The following MED12 variants were observed in gnomAD, a reference collection of about 807,000 sequenced individuals.
The protein encoded by MED12 is mediator complex subunit 12, also known as mediator of RNA polymerase II transcription subunit 12.
A neutral mutation model predicts 177.7 loss-of-function variants in MED12; 10 were observed. The observed-to-expected ratio is 0.06, with a 90% CI of 0.03 to 0.10. The LOEUF is 0.10. MED12 is among the 10% of genes least tolerant of loss of function. The pLI, the probability that MED12 is intolerant of heterozygous loss-of-function variation, is 1.00. For synonymous variants in MED12, 641 were observed against 678.4 expected, an observed-to-expected ratio of 0.94 and a Z score of 0.86; for missense variants, 867 against 1,780.8, an observed-to-expected ratio of 0.49 and a Z score of 9.23.
At chrX:71,135,611 A>G (rs2092330197) in intron 36 of MED12, among the ~76,000 whole-genome samples, 1 of 111,284 alleles carries the variant, frequency 9.0e-6, no homozygotes, top group East Asian at 2.8e-4. Context: ...ACACCCACCC[A>G]TCTCTGCACA....
At chrX:71,132,050 T>A in intron 29 of MED12, 23 bp from the exon 30 acceptor site, 5 of 1,204,640 alleles carry the variant, frequency 4.2e-6, no homozygotes, top group Non-Finnish European at 4.5e-6. Flanking sequence ...TTTTAGCACT[T>A]CTGTGCCTTT....
chrX:71,128,171 G>C, intron 22 of MED12, 51 bp downstream of exon 22: 1 of 1,180,307 alleles, frequency 8.5e-7, no homozygotes, highest in South Asian at 1.8e-5. Context: ...TCTGAGATAG[G>C]GAGGGCTGAG....
At position 71,121,319 on chromosome X, in the gene MED12, A is replaced by C. The variant is rs62609586; in HGVS notation, c.736-8A>C. The C allele has an allele frequency of 0.28, 339,695 of 1,204,692 alleles. 36,280 individuals are homozygous for C. Among genetic ancestry groups the C allele is most frequent in the Middle Eastern group, 0.41 (1,785 of 4,338 alleles). Reference sequence around the variant, plus strand: ...ATAGTCCCCTCTTCCCTCCCCTGGTACCCATAGGATGGAATGCTGGACAGA... The same window carrying C: ...ATAGTCCCCTCTTCCCTCCCCTGGTCCCCATAGGATGGAATGCTGGACAGA... On this transcript the variant is annotated splice_polypyrimidine_tract_variant and splice_region_variant and intron_variant, in intron 5 of 44. Transcript: ENST00000374080.
At chrX:71,135,488 A>G (rs748020961) in intron 36 of MED12, among the ~76,000 whole-genome samples, 1 of 108,052 alleles carries the variant, frequency 9.3e-6, no homozygotes, top group Admixed American at 9.9e-5. Context: ...TTAACATACC[A>G]CCCATTTTTC....
intron 19 of MED12, 140 bp downstream of exon 19, chrX:71,126,624 T>A: frequency 1.3e-6 from 1 of 793,516 alleles, no homozygotes; most frequent in Non-Finnish European, 1.9e-6. Context: ...ATGGGGGGAG[T>A]GGAACATGAG....
At chrX:71,139,573 G>T (rs1177526804) in intron 41 of MED12, among the ~76,000 whole-genome samples, 1 of 110,134 alleles carries the variant, frequency 9.1e-6, no homozygotes, top group Admixed American at 9.7e-5. Context: ...TCCTTGGAAT[G>T]AATGGATAGG....
chrX:71,124,410 C>G (rs2092297493), intron 13 of MED12, 22 bp downstream of exon 13: 4 of 1,116,529 alleles, frequency 3.6e-6, no homozygotes, highest in Non-Finnish European at 4.9e-6. Context: ...TTTCCTTGCA[C>G]TAGATCGTTT....
At position 71,125,098 on chromosome X, in the gene MED12, C is replaced by T. The variant is rs763782632; in HGVS notation, c.2178C>T (p.Tyr726=). 1.4e-5 allele frequency: 17 copies of T among 1,208,750 alleles called. No homozygotes were observed. Among genetic ancestry groups the T allele is most frequent in the South Asian group, 1.8e-5 (1 of 56,727 alleles). Residue 726 remains tyrosine, a synonymous_variant, in exon 15 of 45, where the codon TAC becomes TAT. Transcript: ENST00000374080. The part of the protein sequence containing the change: ...EKIEGTLGVL[Y]DQPRHVQYAT... ...TTGAAGGGACCCTTGGGGTTCTTTACGACCAGCCACGACACGTGCAGTACG... is the reference window on the plus strand; with the variant it reads ...TTGAAGGGACCCTTGGGGTTCTTTATGACCAGCCACGACACGTGCAGTACG...
In MED12 at chrX:71,137,550, C is replaced by T. The variant is rs1385689270; in HGVS notation, c.5749-8C>T. ...CTGAGTTTGAGTTGTTCTCTTTTCT[C>T]CCTTTAGCAGAGTCAGGGCATGTTG... On this transcript the variant is annotated splice_region_variant and splice_polypyrimidine_tract_variant and intron_variant, in intron 39 of 44. Transcript: ENST00000374080. 8.3e-7 allele frequency: 1 copy of T among 1,206,159 alleles called. No individual in the cohort carries two copies. Among genetic ancestry groups the T allele is most frequent in the East Asian group, 3.0e-5 (1 of 33,787 alleles).
intron 16 of MED12, 23 bp from the exon 17 acceptor site, chrX:71,125,640 C>T: frequency 2.0e-6 from 1 of 500,918 alleles, no homozygotes; most frequent in Non-Finnish European, 3.3e-6. Flanking sequence ...TGAAACTTCC[C>T]CCCTCATTCC....
At position 71,123,764 on chromosome X, in the gene MED12, G is replaced by A. The variant is rs772102614; in HGVS notation, c.1744+44G>A. The A allele has an allele frequency of 5.2e-6, 6 of 1,143,400 alleles. No individual in the cohort carries two copies. In the East Asian group the frequency reaches 1.9e-4, roughly 36 times the overall value. The allele number at this position is 1,143,400 out of a possible 1,213,427, so 94.2% of individuals were successfully genotyped here. ...CTCTAGTTACCTCTGCCTAGACTCA[G>A]TTACCCACCACTGTCATCAGAAAGC... On this transcript the variant is annotated intron_variant, in intron 12 of 44. Transcript: ENST00000374080.
chrX:71,137,417 G>A (rs2092335386), intron 39 of MED12, 34 bp downstream of exon 39: 7 of 1,196,219 alleles, frequency 5.9e-6, no homozygotes, highest in Non-Finnish European at 5.7e-6. Flanking sequence ...AGGGAGGGCT[G>A]TCAGGGAGAG....
rs2092280970 is a variant in MED12, at chrX:71,118,657, T to A, written c.-98T>A. 7.5e-6 allele frequency: 6 copies of A among 797,475 alleles called. No individual in the cohort carries two copies. In the Admixed American group the frequency reaches 1.6e-4, roughly 21 times the overall value. The allele number at this position is 797,475 out of a possible 1,213,427, so 65.7% of individuals were successfully genotyped here. On this transcript the variant is annotated 5_prime_UTR_variant, in exon 1 of 45. Coordinates refer to ENST00000374080, the MANE Select transcript of MED12 (RefSeq NM_005120.3). Reference sequence around the variant, plus strand: ...CCTTGTTGTCTCTCGGCCGCCGTCCTCTCAACCACCGCCCCCCTTTTCGGC... The same window carrying A: ...CCTTGTTGTCTCTCGGCCGCCGTCCACTCAACCACCGCCCCCCTTTTCGGC...
intron 36 of MED12, 133 bp from the exon 37 acceptor site, chrX:71,136,148 A>T: frequency 1.3e-6 from 1 of 758,854 alleles, no homozygotes; most frequent in Non-Finnish European, 2.0e-6. Flanking sequence ...ATGTGTATCC[A>T]TGTCTGTCTG....
At chrX:71,135,745 C>T (rs2092330531) in intron 36 of MED12, among the ~76,000 whole-genome samples, 1 of 111,683 alleles carries the variant, frequency 9.0e-6, no homozygotes, top group African/African-American at 3.3e-5. Flanking sequence ...CTTCCTAGTC[C>T]ATCTGTCTCT....
At chrX:71,141,691 T>C (rs2092348445) in intron 43 of MED12, among the ~76,000 whole-genome samples, 192 bp from the exon 44 acceptor site, 1 of 110,579 alleles carries the variant, frequency 9.0e-6, no homozygotes, top group Admixed American at 9.6e-5. Flanking sequence ...TTATCTCAGC[T>C]ACTCAAGAGG....
chrX:71,130,546 G>A (rs1444422464), intron 28 of MED12, among the ~76,000 whole-genome samples: 1 of 112,841 alleles, frequency 8.9e-6, no homozygotes, highest in East Asian at 2.8e-4. Context: ...AATAGTAATA[G>A]CTACTACTTG....
chrX:71,124,251 A>G lies in MED12; in HGVS notation c.1837A>G (p.Met613Val). ...TCGACATGATGTTTTCTCCCACAAC[A>G]TGTATACTTGCACTCTCATCTCCCG... ...LIRHDVFSHN[M>V]YTCTLISRGD... Residue 613 changes from methionine to valine, a missense_variant, in exon 13 of 45, where the codon ATG (methionine) becomes GTG (valine). Physicochemically the swap from Met to Val is conservative, Grantham distance 21. This residue lies in a region of MED12 where 309 missense variants were observed against 556.3 expected (regional missense o/e 0.56). Transcript: ENST00000374080. 1 of 1,210,754 alleles carries G rather than the reference A, an allele frequency of 8.3e-7. No individual in the cohort carries two copies. The highest frequency in any genetic ancestry group is 1.1e-6 in the Non-Finnish European group (1 of 894,690).
At position 71,140,730 on chromosome X, in the gene MED12, T is replaced by C; in HGVS notation, c.6140T>C (p.Ile2047Thr). 8.3e-7 allele frequency: 1 copy of C among 1,208,343 alleles called. No individual in the cohort carries two copies. Among genetic ancestry groups the C allele is most frequent in the Non-Finnish European group, 1.1e-6 (1 of 894,605 alleles). Reference protein sequence around the residue: ...GVQAGVRSTAILPEQQQQQQQ... With the variant: ...GVQAGVRSTATLPEQQQQQQQ... ...CAGGCAGGCGTCCGTTCAACAGCCA[T>C]CCTACCTGAGCAGCAGCAGCAGCAG... Residue 2047 changes from isoleucine to threonine, a missense_variant, in exon 42 of 45, where the codon ATC (isoleucine) becomes ACC (threonine). Ile to Thr is a moderately conservative substitution (Grantham distance 89). Coordinates refer to ENST00000374080, the MANE Select transcript of MED12 (RefSeq NM_005120.3).
Sources: gnomAD v4.1 joint callset for allele counts (sites outside exome capture counted in the v4.1 genomes callset) on GRCh38, gnomAD v4.1.1 for gene constraint, gnomAD v4.1.1 regional missense constraint, MANE v1.5 for transcripts, NCBI Gene and HGNC (gene_info 2026-07-23, HGNC 2026-07-21) for gene names.